Variants in ARB2A observed in about 807,000 individuals in gnomAD.
ARB2A encodes the protein ARB2 cotranscriptional regulator A, also known as cotranscriptional regulator ARB2A.
the ARB2A span, among the ~76,000 whole-genome samples, chr5:93,948,455 A>G: frequency 6.6e-6 from 1 of 151,960 alleles, no homozygotes; most frequent in Non-Finnish European, 1.5e-5. Context: ...CCCATTTTGT[A>G]GGCTGCCTGT....
At chr5:93,787,798 A>G in the ARB2A span, among the ~76,000 whole-genome samples, 1 of 152,242 alleles carries the variant, frequency 6.6e-6, no homozygotes, top group Non-Finnish European at 1.5e-5. Context: ...TCAGTAAGGA[A>G]TGTTGAAATT....
chr5:93,943,224 T>G, the ARB2A span, among the ~76,000 whole-genome samples: 1 of 152,144 alleles, frequency 6.6e-6, no homozygotes, highest in Non-Finnish European at 1.5e-5. Context: ...AATTTACATT[T>G]TCACTAATAT....
chr5:94,099,319 C>G, the ARB2A span, among the ~76,000 whole-genome samples: 1 of 152,078 alleles, frequency 6.6e-6, no homozygotes, highest in Non-Finnish European at 1.5e-5. Flanking sequence ...AAGGCTGATT[C>G]AACATATGAA....
the ARB2A span, among the ~76,000 whole-genome samples, chr5:93,691,407 C>G: frequency 6.6e-6 from 1 of 151,610 alleles, no homozygotes; most frequent in Non-Finnish European, 1.5e-5. Context: ...CCAAATTGAT[C>G]AAGCAGAAGG....
the ARB2A span, among the ~76,000 whole-genome samples, chr5:94,103,795 C>CAAAAAA: frequency 1.8e-5 from 2 of 113,344 alleles, no homozygotes; most frequent in Non-Finnish European, 3.8e-5. Context: ...TCAACAGATT[C>CAAAAAA]AAAAAAAAAA....
At chr5:94,051,190 G>C in the ARB2A span, among the ~76,000 whole-genome samples, 3 of 152,268 alleles carry the variant, frequency 2.0e-5, no homozygotes, top group African/African-American at 7.2e-5. Flanking sequence ...TAAATATTAA[G>C]AAGTTAAGCA....
At chr5:94,050,858 T>C in the ARB2A span, 70 of 1,452,848 alleles carry the variant, frequency 4.8e-5, no homozygotes, top group Non-Finnish European at 5.4e-5. Context: ...ACAATATTGC[T>C]ATACTTCAAA....
the ARB2A span, among the ~76,000 whole-genome samples, chr5:93,840,093 G>A: frequency 6.6e-6 from 1 of 152,142 alleles, no homozygotes; most frequent in Admixed American, 6.5e-5. Flanking sequence ...GTTCCTTGAG[G>A]TTAGGTTAAT....
the ARB2A span, among the ~76,000 whole-genome samples, chr5:94,014,836 A>C: frequency 1.3e-5 from 2 of 150,624 alleles, no homozygotes; most frequent in African/African-American, 2.4e-5. Context: ...GCTATTTGAA[A>C]ATACACAGTC....
At chr5:94,054,259 C>T in the ARB2A span, among the ~76,000 whole-genome samples, 1 of 152,172 alleles carries the variant, frequency 6.6e-6, no homozygotes, top group East Asian at 1.9e-4. Flanking sequence ...ACAAGTTGTT[C>T]CATTAGTGTT....
At chr5:93,840,762 G>GATTA in the ARB2A span, among the ~76,000 whole-genome samples, 5 of 152,058 alleles carry the variant, frequency 3.3e-5, no homozygotes, top group Admixed American at 2.6e-4. Context: ...AATTTACAGA[G>GATTA]ATTAATTAAT....
At chr5:93,993,218 A>G in the ARB2A span, among the ~76,000 whole-genome samples, 3 of 152,138 alleles carry the variant, frequency 2.0e-5, no homozygotes, top group African/African-American at 7.2e-5. Flanking sequence ...TCTGAAAGCT[A>G]TTTTATTATA....
At chr5:93,873,383 A>AGGAAGG in the ARB2A span, among the ~76,000 whole-genome samples, 10 of 6,594 alleles carry the variant, frequency 1.5e-3, 1 homozygote, top group Admixed American at 2.3e-3. Flanking sequence ...AGGAAAGGAA[A>AGGAAGG]GGAAGGGGAA....
At chr5:94,096,497 C>T in the ARB2A span, among the ~76,000 whole-genome samples, 3 of 152,060 alleles carry the variant, frequency 2.0e-5, no homozygotes, top group East Asian at 3.9e-4. Flanking sequence ...AGCTATATCC[C>T]AAGTAGCTAG....
the ARB2A span, among the ~76,000 whole-genome samples, chr5:93,821,458 A>G: frequency 2.0e-5 from 3 of 152,178 alleles, no homozygotes; most frequent in Non-Finnish European, 2.9e-5. Context: ...AGATTTACAT[A>G]TTAATCTTGA....
the ARB2A span, among the ~76,000 whole-genome samples, chr5:93,852,106 C>G: frequency 6.6e-6 from 1 of 152,202 alleles, no homozygotes; most frequent in South Asian, 2.1e-4. Flanking sequence ...CACATCCTCT[C>G]CAGCACCTGT....
the ARB2A span, among the ~76,000 whole-genome samples, chr5:94,081,127 CAT>C: frequency 5.9e-5 from 9 of 152,152 alleles, no homozygotes; most frequent in African/African-American, 1.7e-4. Context: ...ATCAAAACCA[CAT>C]GAGATACCTA....
the ARB2A span, among the ~76,000 whole-genome samples, chr5:93,850,798 A>T: frequency 1.3e-5 from 2 of 152,160 alleles, no homozygotes; most frequent in Non-Finnish European, 2.9e-5. Context: ...ACATTTTTTC[A>T]TACTGTAACT....
the ARB2A span, among the ~76,000 whole-genome samples, chr5:93,659,657 T>C: frequency 6.6e-6 from 1 of 152,138 alleles, no homozygotes; most frequent in Admixed American, 6.6e-5. Flanking sequence ...TCTAAAGTCT[T>C]CATCATCACC....
Sources: gnomAD v4.1 joint callset for allele counts (sites outside exome capture counted in the v4.1 genomes callset) on GRCh38, gnomAD v4.1.1 for gene constraint, MANE v1.5 for transcripts, NCBI Gene and HGNC (gene_info 2026-07-23, HGNC 2026-07-21) for gene names.